The following LMF1 variants were observed in gnomAD, a reference collection of about 807,000 sequenced individuals.
LMF1 encodes the protein transmembrane protein 112.
In LMF1, 68 loss-of-function variants were observed where a neutral mutation model predicts 60.6. The ratio of observed to expected loss-of-function variants is 1.12; its 90% confidence interval spans 0.92 to 1.37. The LOEUF is 1.37. Ranked by LOEUF, LMF1 falls within the 40% of genes most tolerant of loss-of-function variation. The probability of loss-of-function intolerance (pLI) is 0.00; values close to 1 mark genes in which losing one functional copy is unlikely to be tolerated. For missense variants in LMF1, 948 were observed against 767.2 expected, an observed-to-expected ratio of 1.24 and a Z score of -2.78; for synonymous variants, 418 against 324.7, an observed-to-expected ratio of 1.29 and a Z score of -3.09.
chr16:963,051 G>A (rs565100426), intron 1 of LMF1, among the ~76,000 whole-genome samples: 121 of 152,094 alleles, frequency 8.0e-4, no homozygotes, highest in African/African-American at 2.5e-3. Flanking sequence ...GGACACAGGC[G>A]GGCACGGGAT....
intron 4 of LMF1, among the ~76,000 whole-genome samples, chr16:910,186 G>A (rs925033326): frequency 1.3e-5 from 2 of 152,224 alleles, no homozygotes; most frequent in African/African-American, 2.4e-5. Context: ...AGTGCACATC[G>A]TGTTTTTGTG....
chr16:861,891 C>T (rs190449993), intron 10 of LMF1, among the ~76,000 whole-genome samples: 3 of 152,300 alleles, frequency 2.0e-5, no homozygotes, highest in East Asian at 3.9e-4. Context: ...TCCTTGCCCT[C>T]GAGGAGAATG....
At chr16:929,053 G>A (rs1420415289) in intron 3 of LMF1, among the ~76,000 whole-genome samples, 1 of 152,130 alleles carries the variant, frequency 6.6e-6, no homozygotes, top group Non-Finnish European at 1.5e-5. Flanking sequence ...CCTGGTTCCA[G>A]AACCCCTCAC....
Position 892,955 on chromosome 16 carries a change from C to T in LMF1, c.729+52G>A, listed in dbSNP as rs567370842. ...GACTGAGCCCCGCCAAGAGTGGGAA[C>T]GGGGCGGCGTGAGACCGGGTGCCCT... On this transcript the variant is annotated intron_variant, in intron 5 of 10. Transcript: ENST00000262301. 1.9e-4 allele frequency: 268 copies of T among 1,407,506 alleles called. 2 individuals are homozygous for T. In the East Asian group the frequency reaches 4.5e-3, roughly 24 times the overall value. The allele number at this position is 1,407,506 out of a possible 1,614,324, so 87.2% of individuals were successfully genotyped here.
intron 3 of LMF1, among the ~76,000 whole-genome samples, chr16:918,591 T>C (rs553686098): frequency 1.3e-5 from 2 of 152,062 alleles, no homozygotes; most frequent in South Asian, 4.1e-4. Flanking sequence ...AAGGGACTCA[T>C]GAGACCCCAG....
Position 854,610 on chromosome 16 carries a change from G to A in LMF1, c.1626C>T (p.Ala542=). 1 of 1,606,808 alleles carries A rather than the reference G, an allele frequency of 6.2e-7. No individual in the cohort carries two copies. Among genetic ancestry groups the A allele is most frequent in the Non-Finnish European group, 8.5e-7 (1 of 1,178,124 alleles). The change falls in exon 11 of 11, where the codon GCC becomes GCT. Residue 542 remains alanine (A), a synonymous_variant. Coordinates refer to ENST00000262301, the MANE Select transcript of LMF1 (RefSeq NM_022773.4). ...GKWWVRKRIG[A]YFPPLSLEEL... Reference sequence around the variant, plus strand: ...CCTCCAGGCTGAGCGGAGGGAAGTAGGCTCCGATCCTCTTCCGCACCCACC... The same window carrying A: ...CCTCCAGGCTGAGCGGAGGGAAGTAAGCTCCGATCCTCTTCCGCACCCACC...
chr16:867,118 CAT>C (rs60437338), intron 10 of LMF1, among the ~76,000 whole-genome samples: 6,657 of 152,296 alleles, frequency 0.044, 400 homozygotes, highest in African/African-American at 0.14. Flanking sequence ...AGCTGCCAAA[CAT>C]GTGTATCATG....
chr16:979,929 C>G (rs1303763949), intron 1 of LMF1: 6 of 363,046 alleles, frequency 1.7e-5, no homozygotes, highest in Non-Finnish European at 3.3e-5. Flanking sequence ...TGCGGGGACC[C>G]CGAGCGGAGG....
At chr16:866,552 G>A (rs2069615363) in intron 10 of LMF1, among the ~76,000 whole-genome samples, 1 of 152,134 alleles carries the variant, frequency 6.6e-6, no homozygotes, top group Admixed American at 6.5e-5. Context: ...CACAGAAGCG[G>A]GGGATCCTTC....
intron 5 of LMF1, among the ~76,000 whole-genome samples, chr16:883,399 A>G (rs546194878): frequency 6.6e-6 from 1 of 152,392 alleles, no homozygotes; most frequent in African/African-American, 2.4e-5. Context: ...CAGGACCAGG[A>G]GAAAGATGCT....
intron 6 of LMF1, among the ~76,000 whole-genome samples, chr16:876,057 T>C (rs1374905802): frequency 6.6e-6 from 1 of 152,238 alleles, no homozygotes; most frequent in Non-Finnish European, 1.5e-5. Context: ...GCCCCACGCC[T>C]GTGCTCAGCA....
intron 9 of LMF1, chr16:869,456 G>C (rs2069711885): frequency 7.3e-6 from 4 of 544,866 alleles, no homozygotes; most frequent in Non-Finnish European, 1.4e-5. Context: ...CGCTGAGACA[G>C]GGTCTGGCTC....
intron 5 of LMF1, among the ~76,000 whole-genome samples, chr16:888,961 G>A (rs754053241): frequency 5.3e-5 from 8 of 152,214 alleles, no homozygotes; most frequent in African/African-American, 1.2e-4. Context: ...GATCCTGGGG[G>A]TCCTCACAAC....
At chr16:863,942 A>G (rs80335131) in intron 10 of LMF1, among the ~76,000 whole-genome samples, 1,565 of 152,350 alleles carry the variant, frequency 0.01, 25 homozygotes, top group African/African-American at 0.036. Flanking sequence ...AATGGGTGGC[A>G]TATTCTATAA....
At chr16:959,117 C>T (rs1001485166) in intron 1 of LMF1, among the ~76,000 whole-genome samples, 1 of 152,176 alleles carries the variant, frequency 6.6e-6, no homozygotes, top group Non-Finnish European at 1.5e-5. Flanking sequence ...AAGCCTCATG[C>T]AGATGCTCAT....
At chr16:980,902 G>GC (rs2073336635) in intron 1 of LMF1, 1 of 151,840 alleles carries the variant, frequency 6.6e-6, no homozygotes, top group African/African-American at 2.4e-5. Context: ...GGGCCTCCCC[G>GC]CCCCCGAGCC....
At chr16:860,471 C>T (rs111463249) in intron 10 of LMF1, among the ~76,000 whole-genome samples, 6 of 152,058 alleles carry the variant, frequency 3.9e-5, no homozygotes, top group African/African-American at 1.5e-4. Context: ...TCCCGAGTAG[C>T]TGGGACTACA....
At chr16:919,013 G>C (rs1020203724) in intron 3 of LMF1, among the ~76,000 whole-genome samples, 1 of 152,118 alleles carries the variant, frequency 6.6e-6, no homozygotes, top group Non-Finnish European at 1.5e-5. Context: ...TCCTGGGCTG[G>C]AGCCCGCACA....
intron 3 of LMF1, among the ~76,000 whole-genome samples, chr16:916,356 G>C (rs2071278022): frequency 6.6e-6 from 1 of 152,216 alleles, no homozygotes; most frequent in South Asian, 2.1e-4. Flanking sequence ...CTGTCACTCA[G>C]CTCTGCGCCG....
Sources: gnomAD v4.1 joint callset for allele counts (sites outside exome capture counted in the v4.1 genomes callset) on GRCh38, gnomAD v4.1.1 for gene constraint, MANE v1.5 for transcripts, NCBI Gene and HGNC (gene_info 2026-07-23, HGNC 2026-07-21) for gene names.